The following RORA variants were observed in gnomAD, a reference collection of about 807,000 sequenced individuals.
RORA encodes the protein nuclear receptor ROR-alpha.
In RORA, 7 loss-of-function variants were observed where a neutral mutation model predicts 69.5. That is an observed-to-expected ratio of 0.10 (90% CI 0.06 to 0.19). RORA has a LOEUF of 0.19. Ranked by LOEUF, RORA falls within the 10% of genes least tolerant of loss-of-function variation. RORA has a pLI of 1.00. For synonymous variants in RORA, 261 were observed against 240.8 expected, an observed-to-expected ratio of 1.08 and a Z score of -0.78; for missense variants, 457 against 663.0, an observed-to-expected ratio of 0.69 and a Z score of 3.41.
chr15:61,059,988 GGAAGAAGAAGAAGAA>G (rs71122901), intron 1 of RORA, among the ~76,000 whole-genome samples: 1,279 of 85,918 alleles, frequency 0.015, 32 homozygotes, highest in Admixed American at 0.065. Context: ...AAGAGGAAGA[GGAAGAAGAAGAAGAA>G]GAAGAAGAAG....
chr15:61,066,911 A>G (rs936302193), intron 1 of RORA, among the ~76,000 whole-genome samples: 10 of 150,524 alleles, frequency 6.6e-5, no homozygotes, highest in African/African-American at 2.4e-4. Context: ...AAAAAACCCA[A>G]AAAGGTGGAT....
chr15:60,811,501 T>C (rs912651682), intron 1 of RORA, among the ~76,000 whole-genome samples: 35 of 152,246 alleles, frequency 2.3e-4, no homozygotes, highest in Non-Finnish European at 5.0e-4. Flanking sequence ...CAAATCATTT[T>C]AGTGGATTTT....
At chr15:60,763,065 A>AT (rs374433414) in intron 1 of RORA, among the ~76,000 whole-genome samples, 954 of 48,322 alleles carry the variant, frequency 0.02, 62 homozygotes, top group East Asian at 0.034. Context: ...ATATGCACAG[A>AT]TTTTTTTTTT....
intron 2 of RORA, among the ~76,000 whole-genome samples, chr15:60,581,270 C>G (rs2068185335): frequency 6.6e-6 from 1 of 152,172 alleles, no homozygotes; most frequent in Non-Finnish European, 1.5e-5. Flanking sequence ...AGAAAGACTG[C>G]CAAAACCCTG....
In RORA at chr15:61,141,363, C is replaced by T. The variant is rs575969891; in HGVS notation, c.166+87690G>A. On this transcript the variant is annotated intron_variant, in intron 1 of 10. Coordinates refer to ENST00000335670, the MANE Select transcript of RORA (RefSeq NM_134261.3). ...ATTTGTGACTGGAATGATTTAAAGC[C>T]AATACACATGTTATGTAATCTTCTG... Among the ~76,000 whole-genome samples, 95 of 152,148 alleles carry T rather than the reference C, an allele frequency of 6.2e-4. No individual in the cohort carries two copies. In the South Asian group the frequency reaches 0.019, roughly 31 times the overall value.
At chr15:60,736,549 A>AT (rs571063477) in intron 1 of RORA, among the ~76,000 whole-genome samples, 13 of 152,028 alleles carry the variant, frequency 8.6e-5, no homozygotes, top group Non-Finnish European at 1.6e-4. Context: ...TCTGATATAT[A>AT]TTTTTTTCTT....
At chr15:61,078,766 G>GCTATCTATCTAT (rs148557298) in intron 1 of RORA, among the ~76,000 whole-genome samples, 1 of 150,232 alleles carries the variant, frequency 6.7e-6, no homozygotes. Flanking sequence ...GGAGGGTATG[G>GCTATCTATCTAT]CTATCTATCT....
At chr15:60,643,628 C>T (rs1364968230) in intron 2 of RORA, among the ~76,000 whole-genome samples, 1 of 152,208 alleles carries the variant, frequency 6.6e-6, no homozygotes, top group East Asian at 1.9e-4. Context: ...TGGCTTATAA[C>T]TCCAGGCAGA....
At chr15:60,762,847 G>C (rs910612450) in intron 1 of RORA, among the ~76,000 whole-genome samples, 1 of 152,122 alleles carries the variant, frequency 6.6e-6, no homozygotes, top group African/African-American at 2.4e-5. Context: ...TGACATTCAA[G>C]ATGCTGCTTT....
intron 1 of RORA, among the ~76,000 whole-genome samples, chr15:61,171,432 A>T (rs563356620): frequency 6.6e-6 from 1 of 152,278 alleles, no homozygotes; most frequent in African/African-American, 2.4e-5. Flanking sequence ...CTGTATTTGC[A>T]TTTCAAATAA....
At chr15:61,063,801 A>C (rs182153763) in intron 1 of RORA, among the ~76,000 whole-genome samples, 80 of 152,342 alleles carry the variant, frequency 5.3e-4, no homozygotes, top group Non-Finnish European at 7.6e-4. Context: ...TTTTCCATTT[A>C]AAATTCCCAA....
intron 1 of RORA, among the ~76,000 whole-genome samples, chr15:61,055,807 C>T (rs752915): frequency 0.75 from 114,025 of 152,158 alleles, 42,870 homozygotes; most frequent in African/African-American, 0.81. Context: ...ATTTGAGACA[C>T]GTTTTCAGAA....
intron 1 of RORA, among the ~76,000 whole-genome samples, chr15:60,746,595 C>A (rs2071652391): frequency 6.6e-6 from 1 of 152,054 alleles, no homozygotes; most frequent in African/African-American, 2.4e-5. Flanking sequence ...AAAACTGAAA[C>A]CTTTGAAAGA....
At chr15:60,814,023 T>C (rs60779805) in intron 1 of RORA, among the ~76,000 whole-genome samples, 2,011 of 152,264 alleles carry the variant, frequency 0.013, 40 homozygotes, top group African/African-American at 0.046. Context: ...ATACTACATA[T>C]CATAAAACAA....
intron 1 of RORA, among the ~76,000 whole-genome samples, chr15:60,768,357 T>C (rs1170590559): frequency 2.0e-5 from 3 of 152,116 alleles, no homozygotes. Flanking sequence ...GTAAAGTTAA[T>C]CAAGAAAGAA....
At position 60,940,804 on chromosome 15, in the gene RORA, G is replaced by C. The variant is rs533696315; in HGVS notation, c.167-262118C>G. 2.6e-5 allele frequency among the ~76,000 whole-genome samples: 4 copies of C among 152,288 alleles called. 1 individual carries two copies. The highest frequency in any genetic ancestry group is 9.6e-5 in the African/African-American group (4 of 41,560). The stretch of plus-strand genomic sequence containing the variant: ...TAGCCGGGCATGGTGGCGCGTGCCT[G>C]TAGTCCCAGCTACTCGGGAGGCTGA... On this transcript the variant is annotated intron_variant, in intron 1 of 10. Transcript: ENST00000335670.
intron 2 of RORA, among the ~76,000 whole-genome samples, chr15:60,587,013 T>C (rs2068355014): frequency 6.6e-6 from 1 of 152,180 alleles, no homozygotes; most frequent in Non-Finnish European, 1.5e-5. Context: ...GCACGAGAAT[T>C]CGTAAGCTTT....
intron 2 of RORA, among the ~76,000 whole-genome samples, chr15:60,622,637 G>T (rs2069447847): frequency 6.6e-6 from 1 of 152,128 alleles, no homozygotes; most frequent in African/African-American, 2.4e-5. Flanking sequence ...CAAACAAACA[G>T]AAAGAAATAC....
chr15:60,733,073 G>T (rs2071450077), intron 1 of RORA, among the ~76,000 whole-genome samples: 1 of 152,294 alleles, frequency 6.6e-6, no homozygotes, highest in African/African-American at 2.4e-5. Flanking sequence ...GCATTAGCTT[G>T]CTCCTCTGGA....
Sources: gnomAD v4.1 joint callset for allele counts (sites outside exome capture counted in the v4.1 genomes callset) on GRCh38, gnomAD v4.1.1 for gene constraint, MANE v1.5 for transcripts, NCBI Gene and HGNC (gene_info 2026-07-23, HGNC 2026-07-21) for gene names.